PCDH15: variants seen among roughly 807,000 people sequenced by gnomAD.
PCDH15 encodes the protein protocadherin-15.
In PCDH15, 129 loss-of-function variants were observed where a neutral mutation model predicts 178.5. The ratio of observed to expected loss-of-function variants is 0.72; its 90% confidence interval spans 0.63 to 0.84. The LOEUF (loss-of-function observed/expected upper bound fraction) is 0.84, where lower values mean the gene tolerates loss of function less well. Among genes scored for constraint, PCDH15 ranks in the 40% least tolerant of loss-of-function variants. PCDH15 has a pLI of 0.00. For synonymous variants in PCDH15, 800 were observed against 732.0 expected (o/e 1.09, Z -1.50); for missense variants, 2,230 against 2,099.9 (o/e 1.06, Z -1.21).
intron 8 of PCDH15, among the ~76,000 whole-genome samples, chr10:54,256,663 CCTA>C (rs545140941): frequency 4.8e-4 from 73 of 152,136 alleles, no homozygotes; most frequent in Admixed American, 2.2e-3. Flanking sequence ...GATTGTACCT[CCTA>C]CTATTGTGTT....
At chr10:53,977,317 A>C (rs576726799) in intron 21 of PCDH15, among the ~76,000 whole-genome samples, 1 of 117,386 alleles carries the variant, frequency 8.5e-6, no homozygotes, top group Admixed American at 8.4e-5. Flanking sequence ...TGATAGCTGA[A>C]AGCTTTAAAA....
At chr10:55,293,945 T>C (rs1356714417) in intron 1 of PCDH15, among the ~76,000 whole-genome samples, 3 of 152,142 alleles carry the variant, frequency 2.0e-5, no homozygotes, top group Non-Finnish European at 2.9e-5. Flanking sequence ...CACCCACTTT[T>C]CTGGTAGCAA....
intron 2 of PCDH15, among the ~76,000 whole-genome samples, chr10:55,506,885 C>T (rs1195848605): frequency 1.3e-5 from 2 of 151,454 alleles, no homozygotes; most frequent in Non-Finnish European, 3.0e-5. Context: ...ATTTTGCAAA[C>T]TATAATAATG....
chr10:54,988,266 G>A (rs1227704826), intron 2 of PCDH15, among the ~76,000 whole-genome samples: 1 of 152,084 alleles, frequency 6.6e-6, no homozygotes, highest in Non-Finnish European at 1.5e-5. Context: ...GTTTGTTTTG[G>A]TTATTATAGC....
chr10:54,354,049 A>T (rs56888531), intron 5 of PCDH15, among the ~76,000 whole-genome samples: 17,462 of 152,166 alleles, frequency 0.11, 1,773 homozygotes, highest in African/African-American at 0.28. Context: ...GCAATGGCAC[A>T]ATCTCGGCTC....
At chr10:54,326,932 G>A (rs999618792) in intron 7 of PCDH15, among the ~76,000 whole-genome samples, 6 of 152,032 alleles carry the variant, frequency 3.9e-5, no homozygotes, top group Admixed American at 3.9e-4. Context: ...AACAAAAACT[G>A]TTATTGCATT....
At chr10:55,356,444 G>A (rs1845083315) in intron 2 of PCDH15, among the ~76,000 whole-genome samples, 1 of 151,722 alleles carries the variant, frequency 6.6e-6, no homozygotes, top group South Asian at 2.1e-4. Flanking sequence ...GTAATAGGAT[G>A]GACATAAAAA....
intron 26 of PCDH15, among the ~76,000 whole-genome samples, chr10:53,871,131 A>T (rs1589175984): frequency 6.6e-6 from 1 of 151,548 alleles, no homozygotes; most frequent in African/African-American, 2.4e-5. Flanking sequence ...CAGGAGATGG[A>T]GACCATCCTG....
chr10:54,346,963 T>C (rs1943397091), intron 5 of PCDH15, among the ~76,000 whole-genome samples: 1 of 152,238 alleles, frequency 6.6e-6, no homozygotes, highest in Non-Finnish European at 1.5e-5. Context: ...GAATAGTCTG[T>C]ATATTAGAGG....
At chr10:55,588,955 C>A (rs1343564067) in intron 2 of PCDH15, among the ~76,000 whole-genome samples, 1 of 151,824 alleles carries the variant, frequency 6.6e-6, no homozygotes, top group Non-Finnish European at 1.5e-5. Flanking sequence ...GTGCCACATG[C>A]CTGTAATCCC....
chr10:53,827,641 G>C (rs1291733321), intron 31 of PCDH15, 93 bp from the exon 32 acceptor site: 5 of 1,414,290 alleles, frequency 3.5e-6, no homozygotes, highest in Non-Finnish European at 3.9e-6. Context: ...CCAGTTATCA[G>C]GGGAACCCAC....
At chr10:54,650,312 T>C (rs1275752168) in intron 2 of PCDH15, among the ~76,000 whole-genome samples, 3 of 152,084 alleles carry the variant, frequency 2.0e-5, no homozygotes, top group African/African-American at 7.2e-5. Flanking sequence ...TGAACCACAA[T>C]GAGAAAGCAA....
chr10:55,439,476 G>GA (rs796811090), intron 2 of PCDH15, among the ~76,000 whole-genome samples: 12 of 151,548 alleles, frequency 7.9e-5, no homozygotes, highest in Admixed American at 4.6e-4. Flanking sequence ...AATATGAGTA[G>GA]AAAAAAAATG....
At chr10:55,275,571 A>G (rs1334848701) in intron 1 of PCDH15, among the ~76,000 whole-genome samples, 1 of 151,976 alleles carries the variant, frequency 6.6e-6, no homozygotes, top group Admixed American at 6.6e-5. Context: ...ATCCGTACTT[A>G]TAAGAATTTG....
chr10:53,883,471 C>G (rs1404901934), intron 26 of PCDH15, among the ~76,000 whole-genome samples: 3 of 151,906 alleles, frequency 2.0e-5, no homozygotes, highest in Admixed American at 6.6e-5. Context: ...TTACAAATCC[C>G]TGTGCTAAGG....
intron 23 of PCDH15, among the ~76,000 whole-genome samples, chr10:53,942,233 G>A (rs938241980): frequency 2.6e-5 from 4 of 152,038 alleles, no homozygotes; most frequent in Non-Finnish European, 5.9e-5. Flanking sequence ...AATGAAGTGT[G>A]TAAAGTAGAT....
chr10:55,604,962 T>C (rs888784804), intron 2 of PCDH15, among the ~76,000 whole-genome samples: 8 of 151,504 alleles, frequency 5.3e-5, no homozygotes, highest in Non-Finnish European at 7.4e-5. Context: ...CAGGAGCTGG[T>C]TTTTCGAAAG....
chr10:54,821,917 T>G (rs1953048134), intron 3 of PCDH15, among the ~76,000 whole-genome samples: 1 of 152,176 alleles, frequency 6.6e-6, no homozygotes, highest in African/African-American at 2.4e-5. Flanking sequence ...TATTCATCAA[T>G]TACTTTGCTA....
chr10:54,695,948 T>C lies in PCDH15; in HGVS notation c.-28-31658A>G, dbSNP rs1465257344. Reference sequence around the variant, plus strand: ...TCACCCATAAGCTCTGATGGAGATGTACAGGGAGATCAGTGTTGCTGTGAT... The same window carrying C: ...TCACCCATAAGCTCTGATGGAGATGCACAGGGAGATCAGTGTTGCTGTGAT... On this transcript the variant is annotated intron_variant, in intron 1 of 37. Transcript: ENST00000644397. 2.0e-5 allele frequency among the ~76,000 whole-genome samples: 3 copies of C among 152,084 alleles called. No individual in the cohort carries two copies. The East Asian group carries it at 5.8e-4, about 29-fold the overall frequency.
Sources: gnomAD v4.1 joint callset for allele counts (sites outside exome capture counted in the v4.1 genomes callset) on GRCh38, gnomAD v4.1.1 for gene constraint, MANE v1.5 for transcripts, NCBI Gene and HGNC (gene_info 2026-07-23, HGNC 2026-07-21) for gene names.